SPATS2L: variants seen among roughly 807,000 people sequenced by gnomAD.
SPATS2L encodes spermatogenesis associated serine rich 2 like.
In SPATS2L, 30 loss-of-function variants were observed where a neutral mutation model predicts 59.6. That is an observed-to-expected ratio of 0.50 (90% confidence interval 0.38 to 0.68). The LOEUF is 0.68. Among genes scored for constraint, SPATS2L ranks in the 30% least tolerant of loss-of-function variants. The pLI is 0.00. For synonymous variants in SPATS2L, 252 were observed against 263.5 expected (o/e 0.96, Z 0.42); for missense variants, 615 against 700.0 (o/e 0.88, Z 1.37).
chr2:200,343,666 A>G (rs2080408841), intron 2 of SPATS2L, among the ~76,000 whole-genome samples: 1 of 152,224 alleles, frequency 6.6e-6, no homozygotes, highest in Non-Finnish European at 1.5e-5. Flanking sequence ...TGTTTATAAT[A>G]TAGTAAACAG....
At chr2:200,413,773 G>T (rs954107605) in intron 4 of SPATS2L, among the ~76,000 whole-genome samples, 23 of 152,198 alleles carry the variant, frequency 1.5e-4, no homozygotes, top group Non-Finnish European at 1.5e-5. Context: ...AGCAGTCAAG[G>T]TTTAGGGTCC....
intron 2 of SPATS2L, among the ~76,000 whole-genome samples, chr2:200,388,763 G>C (rs1559089033): frequency 6.6e-6 from 1 of 151,594 alleles, no homozygotes; most frequent in African/African-American, 2.4e-5. Flanking sequence ...GTTTTCTCCT[G>C]TTTTTTTCCA....
chr2:200,307,244 C>T (rs1269529235), intron 1 of SPATS2L, among the ~76,000 whole-genome samples: 2 of 151,708 alleles, frequency 1.3e-5, no homozygotes, highest in African/African-American at 4.8e-5. Flanking sequence ...GTGTACCCGC[C>T]CGCCCCGGAT....
At chr2:200,311,170 A>G (rs2079181695) in intron 1 of SPATS2L, among the ~76,000 whole-genome samples, 1 of 152,252 alleles carries the variant, frequency 6.6e-6, no homozygotes, top group African/African-American at 2.4e-5. Flanking sequence ...AGCCTAACTC[A>G]TAGCCTGACA....
At chr2:200,331,890 A>T (rs1367582540) in intron 2 of SPATS2L, among the ~76,000 whole-genome samples, 1 of 152,176 alleles carries the variant, frequency 6.6e-6, no homozygotes, top group Non-Finnish European at 1.5e-5. Context: ...TCTACGGTCC[A>T]CTTGGAGAAC....
chr2:200,384,973 C>A (rs1438881314), intron 2 of SPATS2L, among the ~76,000 whole-genome samples: 1 of 152,134 alleles, frequency 6.6e-6, no homozygotes, highest in Non-Finnish European at 1.5e-5. Context: ...AACATGTATT[C>A]GTGGACTTGA....
chr2:200,459,418 C>T (rs937257042), intron 8 of SPATS2L, among the ~76,000 whole-genome samples: 11 of 152,158 alleles, frequency 7.2e-5, no homozygotes, highest in African/African-American at 2.7e-4. Flanking sequence ...ACCTAAGTGC[C>T]AGCTTTTCAA....
chr2:200,338,183 C>G (rs1395221670), intron 2 of SPATS2L, among the ~76,000 whole-genome samples: 2 of 152,116 alleles, frequency 1.3e-5, no homozygotes, highest in African/African-American at 4.8e-5. Context: ...TGCCACCACT[C>G]CTGGCTAATT....
At chr2:200,402,305 G>T (rs2082552877) in intron 3 of SPATS2L, among the ~76,000 whole-genome samples, 1 of 152,104 alleles carries the variant, frequency 6.6e-6, no homozygotes, top group South Asian at 2.1e-4. Flanking sequence ...AGTCTTCCAG[G>T]GCCTTGCCCA....
intron 9 of SPATS2L, among the ~76,000 whole-genome samples, chr2:200,462,815 A>G (rs1404283287): frequency 6.6e-6 from 1 of 152,120 alleles, no homozygotes; most frequent in Non-Finnish European, 1.5e-5. Context: ...AGTTCTAGCT[A>G]TTCTAGAGGA....
intron 10 of SPATS2L, 128 bp downstream of exon 10, chr2:200,467,527 G>A: frequency 3.1e-6 from 2 of 655,284 alleles, no homozygotes; most frequent in South Asian, 3.8e-5. Flanking sequence ...TCCACAGGGT[G>A]GAAATAGAGA....
At chr2:200,398,689 A>G (rs755561913) in intron 3 of SPATS2L, among the ~76,000 whole-genome samples, 1 of 152,168 alleles carries the variant, frequency 6.6e-6, no homozygotes, top group Non-Finnish European at 1.5e-5. Context: ...ATGAACTCCA[A>G]AATCCTTTGC....
At chr2:200,394,244 C>T (rs141493354) in intron 3 of SPATS2L, among the ~76,000 whole-genome samples, 28 of 152,292 alleles carry the variant, frequency 1.8e-4, no homozygotes, top group Middle Eastern at 3.4e-3. Flanking sequence ...TATCCACTGC[C>T]GCATCTCCAC....
intron 2 of SPATS2L, among the ~76,000 whole-genome samples, chr2:200,353,435 C>T (rs150200228): frequency 2.0e-5 from 3 of 152,188 alleles, no homozygotes; most frequent in Non-Finnish European, 4.4e-5. Flanking sequence ...AACTATTCCT[C>T]ACTGCCTGTT....
intron 3 of SPATS2L, among the ~76,000 whole-genome samples, chr2:200,394,174 G>C (rs1180232873): frequency 1.3e-5 from 2 of 152,156 alleles, no homozygotes. Flanking sequence ...TCAGAGTCTG[G>C]TCTCTTCGGC....
At position 200,469,788 on chromosome 2, in the gene SPATS2L, G is replaced by A. The variant is rs368460064; in HGVS notation, c.958-126G>A. On this transcript the variant is annotated intron_variant, in intron 10 of 12. Coordinates refer to ENST00000409140, the MANE Select transcript of SPATS2L (RefSeq NM_001100423.2). ...GAGCGTGGAGCCTCCCAGCAACAGG[G>A]CTGGAAAGATCCCCACCAGGTCAGC... The A allele has an allele frequency of 7.3e-6, 5 of 688,740 alleles. No homozygotes were observed. In the East Asian group the frequency reaches 1.1e-4, roughly 15 times the overall value. The allele number at this position is 688,740 out of a possible 1,614,324, so 42.7% of individuals were successfully genotyped here. A position where few individuals can be genotyped will look rare whatever the true frequency, so the allele number is the denominator to read the frequency against.
At chr2:200,385,179 A>G (rs1249535712) in intron 2 of SPATS2L, among the ~76,000 whole-genome samples, 1 of 152,176 alleles carries the variant, frequency 6.6e-6, no homozygotes, top group African/African-American at 2.4e-5. Context: ...CATGATGACC[A>G]AGATGTCAGG....
chr2:200,443,388 G>A (rs1043470885), intron 8 of SPATS2L, among the ~76,000 whole-genome samples: 4 of 152,258 alleles, frequency 2.6e-5, no homozygotes, highest in South Asian at 2.1e-4. Context: ...GTGAACTATA[G>A]GTGTGTTAGA....
Position 200,436,364 on chromosome 2 carries a change from A to G in SPATS2L, c.446-2758A>G, listed in dbSNP as rs542387559. 2.0e-4 allele frequency among the ~76,000 whole-genome samples: 30 copies of G among 152,332 alleles called. No individual in the cohort carries two copies. The South Asian group carries it at 6.2e-3, about 32-fold the overall frequency. ...TATGTATCTGCAAGATATCAAACAC[A>G]TGCAGTAATGATGAACAAGACATAC... On this transcript the variant is annotated intron_variant, in intron 6 of 12. Coordinates refer to ENST00000409140, the MANE Select transcript of SPATS2L (RefSeq NM_001100423.2).
Sources: allele counts gnomAD v4.1 joint callset (sites outside exome capture counted in the v4.1 genomes callset), GRCh38; gene constraint gnomAD v4.1.1; transcripts MANE v1.5; gene names NCBI Gene and HGNC (gene_info 2026-07-23, HGNC 2026-07-21).